Variants in ENTREP2 observed in about 807,000 individuals in gnomAD.
ENTREP2 encodes endosomal transmembrane epsin interactor 2, also known as protein ENTREP2.
At chr15:29,670,230 A>T in the ENTREP2 span, among the ~76,000 whole-genome samples, 1 of 152,168 alleles carries the variant, frequency 6.6e-6, no homozygotes, top group South Asian at 2.1e-4. Context: ...CGGTTGGCAG[A>T]CAGGGGAGAG....
the ENTREP2 span, among the ~76,000 whole-genome samples, chr15:29,158,834 AAT>A: frequency 6.6e-6 from 1 of 152,138 alleles, no homozygotes; most frequent in Non-Finnish European, 1.5e-5. Flanking sequence ...TTATGTATCT[AAT>A]AAATGATGTA....
the ENTREP2 span, among the ~76,000 whole-genome samples, chr15:29,257,142 C>T: frequency 1.3e-5 from 2 of 151,646 alleles, no homozygotes; most frequent in African/African-American, 2.4e-5. Flanking sequence ...GCAGCGATCT[C>T]GACTCACCGC....
At chr15:29,525,308 A>C in the ENTREP2 span, among the ~76,000 whole-genome samples, 10 of 152,264 alleles carry the variant, frequency 6.6e-5, no homozygotes, top group Admixed American at 2.6e-4. Context: ...AGGAATGTTC[A>C]CAGCAGCATC....
At chr15:29,557,636 T>C in the ENTREP2 span, among the ~76,000 whole-genome samples, 3 of 152,224 alleles carry the variant, frequency 2.0e-5, no homozygotes, top group Non-Finnish European at 4.4e-5. Context: ...ACCCACTTCA[T>C]GTTTGCCCTA....
At chr15:29,268,608 A>T in the ENTREP2 span, 1 of 535,444 alleles carries the variant, frequency 1.9e-6, no homozygotes, top group Admixed American at 3.7e-5. Flanking sequence ...TTTATAGATG[A>T]AAATCTGGAG....
At chr15:29,653,913 ATC>A in the ENTREP2 span, among the ~76,000 whole-genome samples, 1 of 152,302 alleles carries the variant, frequency 6.6e-6, no homozygotes, top group East Asian at 1.9e-4. Flanking sequence ...TTTTAAATGC[ATC>A]TCTGACTTCT....
At chr15:29,657,487 G>GC in the ENTREP2 span, among the ~76,000 whole-genome samples, 21 of 126,000 alleles carry the variant, frequency 1.7e-4, no homozygotes, top group African/African-American at 6.9e-4. Flanking sequence ...GGGGGGCGGG[G>GC]GGGGGGGGTG....
At chr15:29,517,965 G>A in the ENTREP2 span, among the ~76,000 whole-genome samples, 3 of 152,238 alleles carry the variant, frequency 2.0e-5, no homozygotes, top group Middle Eastern at 3.4e-3. Context: ...TGCTGGGTGC[G>A]GTGGTTCATG....
At chr15:29,408,490 G>A in the ENTREP2 span, among the ~76,000 whole-genome samples, 4 of 152,074 alleles carry the variant, frequency 2.6e-5, no homozygotes, top group African/African-American at 7.2e-5. Context: ...ATGGTGAGAC[G>A]GTCTTTGTTT....
At chr15:29,156,827 A>G in the ENTREP2 span, among the ~76,000 whole-genome samples, 1 of 152,164 alleles carries the variant, frequency 6.6e-6, no homozygotes, top group Non-Finnish European at 1.5e-5. Context: ...AGTCTTAACG[A>G]ACACCTCAGC....
the ENTREP2 span, among the ~76,000 whole-genome samples, chr15:29,403,033 G>C: frequency 2.1e-3 from 314 of 152,226 alleles, no homozygotes; most frequent in Admixed American, 7.5e-3. Context: ...AAAGGCTCTG[G>C]AAACAATGGC....
the ENTREP2 span, among the ~76,000 whole-genome samples, chr15:29,504,511 T>G: frequency 6.6e-6 from 1 of 152,208 alleles, no homozygotes; most frequent in African/African-American, 2.4e-5. Flanking sequence ...AATAGACAGG[T>G]TGGAAAAGGA....
the ENTREP2 span, among the ~76,000 whole-genome samples, chr15:29,632,283 G>T: frequency 6.6e-6 from 1 of 152,022 alleles, no homozygotes; most frequent in Non-Finnish European, 1.5e-5. Context: ...TTATTTCCAG[G>T]GTTTTTAGTT....
At chr15:29,140,745 C>T in the ENTREP2 span, among the ~76,000 whole-genome samples, 1 of 152,216 alleles carries the variant, frequency 6.6e-6, no homozygotes, top group Non-Finnish European at 1.5e-5. Flanking sequence ...TCTGCAGCCT[C>T]ACCTGCATGT....
At chr15:29,272,084 C>A in the ENTREP2 span, among the ~76,000 whole-genome samples, 1 of 152,138 alleles carries the variant, frequency 6.6e-6, no homozygotes, top group Non-Finnish European at 1.5e-5. Flanking sequence ...ACTGTCATTA[C>A]TCAAGATAGA....
chr15:29,318,317 TTTTTTTTG>T, the ENTREP2 span, among the ~76,000 whole-genome samples: 1 of 151,992 alleles, frequency 6.6e-6, no homozygotes, highest in African/African-American at 2.4e-5. Context: ...ATGTACACTT[TTTTTTTTG>T]TTTTTTGTTT....
the ENTREP2 span, among the ~76,000 whole-genome samples, chr15:29,615,048 G>A: frequency 6.6e-6 from 1 of 152,186 alleles, no homozygotes; most frequent in African/African-American, 2.4e-5. Context: ...GTTCAGGGGA[G>A]GTGGTAACAG....
At chr15:29,366,005 G>T in the ENTREP2 span, among the ~76,000 whole-genome samples, 2 of 152,160 alleles carry the variant, frequency 1.3e-5, no homozygotes, top group Non-Finnish European at 2.9e-5. Flanking sequence ...ACTGTTAGAT[G>T]ACTTCCGTTA....
the ENTREP2 span, among the ~76,000 whole-genome samples, chr15:29,568,129 G>A: frequency 6.6e-6 from 1 of 152,232 alleles, no homozygotes; most frequent in Non-Finnish European, 1.5e-5. Flanking sequence ...GCAAAGTGTT[G>A]TAGACAACAG....
Sources: gnomAD v4.1 joint callset for allele counts (sites outside exome capture counted in the v4.1 genomes callset) on GRCh38, gnomAD v4.1.1 for gene constraint, MANE v1.5 for transcripts, NCBI Gene and HGNC (gene_info 2026-07-23, HGNC 2026-07-21) for gene names.